The following NAALADL2 variants were observed in gnomAD, a reference collection of about 807,000 sequenced individuals.
NAALADL2 encodes inactive N-acetylated-alpha-linked acidic dipeptidase-like protein 2.
In NAALADL2, 76 loss-of-function variants were observed where a neutral mutation model predicts 87.2. That is an observed-to-expected ratio of 0.87 (90% CI 0.72 to 1.05). The LOEUF (loss-of-function observed/expected upper bound fraction) is 1.05. NAALADL2 is among the 50% of genes least tolerant of loss of function. NAALADL2 has a pLI of 0.00. For missense variants in NAALADL2, 1,089 were observed against 945.8 expected (o/e 1.15, Z -1.99); for synonymous variants, 354 against 331.0 (o/e 1.07, Z -0.75).
intron 2 of NAALADL2, among the ~76,000 whole-genome samples, chr3:175,101,824 GTGT>G (rs1722255197): frequency 6.6e-6 from 1 of 151,970 alleles, no homozygotes; most frequent in Non-Finnish European, 1.5e-5. Context: ...AGGAGAAAAT[GTGT>G]TGTTTTCTAA....
intron 4 of NAALADL2, among the ~76,000 whole-genome samples, chr3:175,318,880 C>T (rs983326570): frequency 1.3e-5 from 2 of 152,220 alleles, no homozygotes; most frequent in Non-Finnish European, 2.9e-5. Flanking sequence ...TGGAATTATA[C>T]AGGAAGCAGC....
At chr3:174,585,045 C>CT (rs1380875588) in intron 2 of NAALADL2, among the ~76,000 whole-genome samples, 3 of 152,002 alleles carry the variant, frequency 2.0e-5, no homozygotes, top group Non-Finnish European at 4.4e-5. Flanking sequence ...GCACAAAGCT[C>CT]TTTTTATCTG....
intron 9 of NAALADL2, among the ~76,000 whole-genome samples, chr3:175,524,078 G>A (rs1733057201): frequency 6.6e-6 from 1 of 152,188 alleles, no homozygotes; most frequent in Non-Finnish European, 1.5e-5. Context: ...TTGTGGTGCT[G>A]TGAATGGTGC....
At chr3:175,571,215 C>T (rs1295451130) in intron 9 of NAALADL2, among the ~76,000 whole-genome samples, 6 of 152,088 alleles carry the variant, frequency 3.9e-5, no homozygotes, top group Admixed American at 6.5e-5. Context: ...TTGCAAAGAG[C>T]ATACAGATTT....
rs57898415 is a variant in NAALADL2, at chr3:174,706,092, A to G, written c.-114-31549A>G. Among the ~76,000 whole-genome samples the G allele has an allele frequency of 6.2e-3, 938 of 152,362 alleles. 6 individuals carry two copies. The highest frequency in any genetic ancestry group is 0.021 in the African/African-American group (892 of 41,580). On this transcript the variant is annotated intron_variant, in intron 2 of 3. Transcript: ENST00000434257. ...GTGCTTGCTATCTGAAATAATTTGT[A>G]TTAGTAAAAGTTTAATGTAAACACA...
intron 11 of NAALADL2, among the ~76,000 whole-genome samples, chr3:175,717,913 G>A (rs966257793): frequency 6.7e-6 from 1 of 150,204 alleles, no homozygotes; most frequent in Non-Finnish European, 1.5e-5. Context: ...GGGCTCAAGA[G>A]ATTCTGTTGC....
intron 2 of NAALADL2, among the ~76,000 whole-genome samples, chr3:174,638,780 T>C (rs1722898240): frequency 6.6e-6 from 1 of 152,210 alleles, no homozygotes; most frequent in Non-Finnish European, 1.5e-5. Context: ...AATAAATACT[T>C]AGGGAGAGAC....
chr3:175,500,440 G>A (rs1200430384), intron 9 of NAALADL2, among the ~76,000 whole-genome samples: 1 of 151,908 alleles, frequency 6.6e-6, no homozygotes, highest in Admixed American at 6.6e-5. Context: ...TTCTTTGGGA[G>A]CAGAGAGGTT....
chr3:175,618,208 C>A (rs1341136900), intron 10 of NAALADL2, among the ~76,000 whole-genome samples: 2 of 152,166 alleles, frequency 1.3e-5, no homozygotes, highest in Admixed American at 1.3e-4. Flanking sequence ...TTGCCAGGAA[C>A]CCCCTTAATT....
intron 3 of NAALADL2, among the ~76,000 whole-genome samples, chr3:174,807,538 TGAC>T (rs1178115760): frequency 2.0e-5 from 3 of 152,158 alleles, no homozygotes; most frequent in African/African-American, 7.2e-5. Context: ...TTTGCTTATT[TGAC>T]ATGTTGCCAT....
At chr3:175,762,156 G>A (rs913451203) in intron 13 of NAALADL2, among the ~76,000 whole-genome samples, 1 of 134,256 alleles carries the variant, frequency 7.4e-6, no homozygotes, top group Non-Finnish European at 1.6e-5. Context: ...TCCATTCTGA[G>A]TTAATTTTCA....
At chr3:175,798,296 G>GT (rs908729332) in intron 13 of NAALADL2, among the ~76,000 whole-genome samples, 9 of 149,052 alleles carry the variant, frequency 6.0e-5, no homozygotes, top group African/African-American at 2.2e-4. Context: ...CAAAATGAAG[G>GT]TTTTTTTAAA....
At chr3:175,072,832 G>A (rs1383192693) in intron 1 of NAALADL2, among the ~76,000 whole-genome samples, 1 of 151,134 alleles carries the variant, frequency 6.6e-6, no homozygotes, top group Non-Finnish European at 1.5e-5. Context: ...AAAACTTAAA[G>A]TATAGCAATA....
chr3:175,401,997 T>C (rs1770621480), intron 5 of NAALADL2, among the ~76,000 whole-genome samples: 1 of 152,100 alleles, frequency 6.6e-6, no homozygotes, highest in Admixed American at 6.6e-5. Context: ...AAGGCACTTA[T>C]ATCTTCTCTT....
intron 2 of NAALADL2, among the ~76,000 whole-genome samples, chr3:174,681,949 A>G (rs1408458670): frequency 2.0e-5 from 3 of 152,138 alleles, no homozygotes; most frequent in Non-Finnish European, 4.4e-5. Context: ...AGCATTCACT[A>G]CAAGCTAACT....
chr3:175,281,711 G>C (rs1483914022), intron 4 of NAALADL2, among the ~76,000 whole-genome samples: 1 of 151,870 alleles, frequency 6.6e-6, no homozygotes, highest in South Asian at 2.1e-4. Flanking sequence ...CTTCAAGAAG[G>C]CTTCATTTAT....
chr3:175,201,098 CA>C (rs1420456191), intron 2 of NAALADL2, among the ~76,000 whole-genome samples: 17 of 152,138 alleles, frequency 1.1e-4, no homozygotes, highest in Non-Finnish European at 2.2e-4. Flanking sequence ...TCTAATAACA[CA>C]ATGTTTTTGT....
intron 1 of NAALADL2, among the ~76,000 whole-genome samples, chr3:174,463,760 C>G (rs1185635990): frequency 6.6e-6 from 1 of 152,048 alleles, no homozygotes; most frequent in Non-Finnish European, 1.5e-5. Context: ...ACCACCACGC[C>G]TGGCTAATTT....
intron 1 of NAALADL2, among the ~76,000 whole-genome samples, chr3:174,503,528 C>G (rs1010743113): frequency 2.6e-5 from 4 of 151,986 alleles, no homozygotes; most frequent in Non-Finnish European, 5.9e-5. Flanking sequence ...TGTCCAAACT[C>G]TATTTTTTAT....
Sources: allele counts gnomAD v4.1 joint callset (sites outside exome capture counted in the v4.1 genomes callset), GRCh38; gene constraint gnomAD v4.1.1; transcripts MANE v1.5; gene names NCBI Gene and HGNC (gene_info 2026-07-23, HGNC 2026-07-21).